ADAM8: variants seen among roughly 807,000 people sequenced by gnomAD.
The protein encoded by ADAM8 is ADAM metallopeptidase domain 8, also known as disintegrin and metalloproteinase domain-containing protein 8.
A neutral mutation model predicts 102.4 loss-of-function variants in ADAM8; 104 were observed. The ratio of observed to expected loss-of-function variants is 1.02; its 90% confidence interval spans 0.87 to 1.20. The LOEUF (loss-of-function observed/expected upper bound fraction) is 1.20. Ranked by LOEUF, ADAM8 falls within the 50% of genes most tolerant of loss-of-function variation. The probability of loss-of-function intolerance (pLI) is 0.00; values close to 1 mark genes in which losing one functional copy is unlikely to be tolerated. For missense variants in ADAM8, 1,132 were observed against 1,159.0 expected, an observed-to-expected ratio of 0.98 and a Z score of 0.34; for synonymous variants, 517 against 485.2, an observed-to-expected ratio of 1.07 and a Z score of -0.86.
At chr10:133,265,820 C>T (rs1458789318) in intron 21 of ADAM8, among the ~76,000 whole-genome samples, 2 of 151,936 alleles carry the variant, frequency 1.3e-5, no homozygotes, top group Admixed American at 1.3e-4. Context: ...GAGAGAAAAT[C>T]ACTATTAGGC....
intron 9 of ADAM8, 58 bp from the exon 10 acceptor site, chr10:133,272,332 A>AC (rs1846561143): frequency 2.0e-6 from 1 of 492,420 alleles, no homozygotes; most frequent in African/African-American, 4.0e-5. Flanking sequence ...CTTCCCTCCC[A>AC]CCCCAGCCCT....
At position 133,263,202 on chromosome 10, in the gene ADAM8, G is replaced by A; in HGVS notation, c.2429C>T (p.Pro810Leu). The A allele has an allele frequency of 6.2e-7, 1 of 1,612,946 alleles. No individual in the cohort carries two copies. The highest frequency in any genetic ancestry group is 8.5e-7 in the Non-Finnish European group (1 of 1,179,230). ...GGCTCCTTGCTTCCTCTGGATGGGG[G>A]GCTTCAGGGCAACCTTTGGGCCAAC... ...GAVGPKVALK[P>L]PIQRKQGAGA... The change falls in exon 23 of 23, where the codon CCC becomes CTC. Residue 810 changes from proline to leucine, a missense_variant. By Grantham distance (98) the Pro-to-Leu change is moderately conservative. Coordinates refer to ENST00000445355, the MANE Select transcript of ADAM8 (RefSeq NM_001109.5).
intron 1 of ADAM8, among the ~76,000 whole-genome samples, chr10:133,276,212 C>G (rs546215272): frequency 1.3e-5 from 2 of 152,324 alleles, no homozygotes; most frequent in African/African-American, 4.8e-5. Flanking sequence ...GCAGCCAGCC[C>G]CTATCTGCCC....
At chr10:133,271,390 ACTCC>A in intron 12 of ADAM8, 101 bp from the exon 13 acceptor site, 1 of 1,487,560 alleles carries the variant, frequency 6.7e-7, no homozygotes, top group Admixed American at 2.1e-5. Flanking sequence ...CCCTGCAGCC[ACTCC>A]CTCCCTGTGA....
At position 133,263,152 on chromosome 10, in the gene ADAM8, C is replaced by A; in HGVS notation, c.*4G>T. The A allele has an allele frequency of 6.2e-7, 1 of 1,614,000 alleles. No homozygotes were observed. The highest frequency in any genetic ancestry group is 1.3e-5 in the African/African-American group (1 of 75,066). On this transcript the variant is annotated 3_prime_UTR_variant, in exon 23 of 23. Transcript: ENST00000445355. ...CAAATTTCCACACAGGCGCAGGTGC[C>A]CCCCTAGGGTGCTGTGGGAGCTCCG...
chr10:133,272,006 G>C (rs1306056514), intron 10 of ADAM8, 52 bp from the exon 11 acceptor site: 2 of 1,591,530 alleles, frequency 1.3e-6, no homozygotes, highest in African/African-American at 2.7e-5. Flanking sequence ...CCCCACGCCT[G>C]CCACCCTCAC....
intron 2 of ADAM8, among the ~76,000 whole-genome samples, chr10:133,274,548 C>T (rs1009109266): frequency 2.0e-5 from 3 of 150,926 alleles, no homozygotes; most frequent in Admixed American, 6.6e-5. Flanking sequence ...GTGCTGAAGG[C>T]GACCGGCGGA....
At position 133,273,171 on chromosome 10, in the gene ADAM8, CACAT is replaced by C; in HGVS notation, c.573+79_573+82del. ...GCTGCAGACAATGGGCAGCACCCAGCACATGGGGAGCCAGGAGGACTCACAGGCC... is the reference window on the plus strand; with the variant it reads ...GCTGCAGACAATGGGCAGCACCCAGCGGGGAGCCAGGAGGACTCACAGGCC... On this transcript the variant is annotated intron_variant, in intron 6 of 22. Transcript: ENST00000445355. 1.9e-6 allele frequency: 3 copies of C among 1,581,156 alleles called. No individual in the cohort carries two copies. In the African/African-American group the frequency reaches 4.0e-5, roughly 21 times the overall value.
rs143338248 is a variant in ADAM8, at chr10:133,271,224, G to T, written c.1350C>A (p.His450Gln). ...CQLAEGAQCA[H>Q]GTCCQECKVK... ...CCTTGCACTCCTGGCAGCAGGTACC[G>T]TGCGCACACTGGGCCCCCTCAGCCA... The change falls in exon 13 of 23, where the codon CAC (histidine) becomes CAA (glutamine). Residue 450 changes from histidine (H) to glutamine (Q), a missense_variant. Transcript: ENST00000445355. The T allele has an allele frequency of 1.2e-6, 2 of 1,611,882 alleles. No individual in the cohort carries two copies. Among genetic ancestry groups the T allele is most frequent in the East Asian group, 4.5e-5 (2 of 44,854 alleles).
chr10:133,271,641 GC>G lies in ADAM8; in HGVS notation c.1170del (p.Pro391ArgfsTer69). ...GCGTTGGCGAGGCACACCGACTGCG[GC>G]CGCTCCAAAAAGCTCTCCAGGTAGG... ...SQAYLESFLE[R>X]PQSVCLANAP... On this transcript the variant is annotated frameshift_variant, in exon 12 of 23. Transcript: ENST00000445355. LOFTEE classifies it high-confidence loss of function. The G allele has an allele frequency of 6.4e-7, 1 of 1,556,132 alleles. No homozygotes were observed. The highest frequency in any genetic ancestry group is 8.7e-7 in the Non-Finnish European group (1 of 1,149,970).
chr10:133,267,852 C>T (rs1187223308), intron 20 of ADAM8, 77 bp downstream of exon 20: 120 of 1,215,368 alleles, frequency 9.9e-5, no homozygotes, highest in Non-Finnish European at 1.2e-4. Context: ...CTGCTGGCCT[C>T]GGGCTGCACT....
At chr10:133,275,982 T>C (rs1589815048) in intron 1 of ADAM8, 1 of 179,862 alleles carries the variant, frequency 5.6e-6, no homozygotes, top group East Asian at 1.5e-4. Context: ...CTTCTGATCA[T>C]CTGATCGCAT....
chr10:133,273,233 A>G, intron 6 of ADAM8, 21 bp downstream of exon 6: 1 of 1,597,788 alleles, frequency 6.3e-7, no homozygotes, highest in Non-Finnish European at 8.5e-7. Context: ...CCAGCCAAAC[A>G]CAGGAGACAA....
rs1846590808 is a variant in ADAM8 at position 133,272,804 on chromosome 10, C to T, written c.699G>A (p.Val233=). The T allele has an allele frequency of 6.2e-7, 1 of 1,609,932 alleles. No homozygotes were observed. The highest frequency in any genetic ancestry group is 1.1e-5 in the South Asian group (1 of 90,966). Residue 233 remains valine, a synonymous_variant, in exon 8 of 23, where the codon GTG becomes GTA. Coordinates refer to ENST00000445355, the MANE Select transcript of ADAM8 (RefSeq NM_001109.5). ...RHRVLEVVNH[V]DKLYQKLNFR... ...AGCCAGGACCGCTGCCCACCTTGTCCACGTGATTCACCACCTCCAGCACCC... is the reference window on the plus strand; with the variant it reads ...AGCCAGGACCGCTGCCCACCTTGTCTACGTGATTCACCACCTCCAGCACCC...
chr10:133,268,750 G>C lies in ADAM8; in HGVS notation c.2061C>G (p.Ser687Arg). ...VYRKARSRILSRNVAPKTTMG... is the reference protein window; with the variant it reads ...VYRKARSRILRRNVAPKTTMG... ...GTCACAGCCCCCACCACCCTCACCT[G>C]CTCAGGATGCGGCTCCGGGCTTTGC... is the stretch of plus-strand genomic sequence containing the variant. The change falls in exon 19 of 23, where the codon AGC becomes AGG. Residue 687 changes from serine (S) to arginine (R), a missense_variant and splice_region_variant. Physicochemically the swap from Ser to Arg is moderately radical, Grantham distance 110 (BLOSUM62 -1). Coordinates refer to ENST00000445355, the MANE Select transcript of ADAM8 (RefSeq NM_001109.5). 1 of 1,609,446 alleles carries C rather than the reference G, an allele frequency of 6.2e-7. No individual in the cohort carries two copies. The highest frequency in any genetic ancestry group is 2.2e-5 in the East Asian group (1 of 44,854).
In ADAM8 at chr10:133,269,482, C is replaced by A; in HGVS notation, c.1911G>T (p.Pro637=). The A allele has an allele frequency of 6.2e-7, 1 of 1,600,186 alleles. No homozygotes were observed. Among genetic ancestry groups the A allele is most frequent in the Non-Finnish European group, 8.5e-7 (1 of 1,178,446 alleles). The change falls in exon 18 of 23, where the codon CCG becomes CCT. Residue 637 remains proline (P), a synonymous_variant. Transcript: ENST00000445355. ...QECHCHAGWA[P]PHCAKLLTEV... ...CAGTCAGCAGCTTCGCGCAGTGGGG[C>A]GGGGCCCAGCCCGCGTGGCAGTGGC...
rs1158457250 is a variant in ADAM8 at position 133,262,499 on chromosome 10, C to T, written c.*657G>A. ...AAAGCTTTCAGCCCTGCTGAACACA[C>T]ATCTGAGGTCTCAAGAAAACCAGAC... On this transcript the variant is annotated 3_prime_UTR_variant, in exon 23 of 23. Coordinates refer to ENST00000445355, the MANE Select transcript of ADAM8 (RefSeq NM_001109.5). 1.3e-5 allele frequency: 2 copies of T among 152,418 alleles called. No individual in the cohort carries two copies. The highest frequency in any genetic ancestry group is 1.5e-5 in the Non-Finnish European group (1 of 68,122). The allele number at this position is 152,418 out of a possible 1,614,324, so 9.4% of individuals were successfully genotyped here. A position where few individuals can be genotyped will look rare whatever the true frequency, so the allele number is the denominator to read the frequency against.
In ADAM8 at chr10:133,271,639, C is replaced by A. The variant is rs934295315; in HGVS notation, c.1173G>T (p.Pro391=). The stretch of plus-strand genomic sequence containing the variant: ...GGGCGTTGGCGAGGCACACCGACTG[C>A]GGCCGCTCCAAAAAGCTCTCCAGGT... The part of the protein sequence containing the change: ...QAYLESFLER[P]QSVCLANAPD... The change falls in exon 12 of 23, where the codon CCG becomes CCT. Residue 391 remains proline (P), a synonymous_variant. Transcript: ENST00000445355. The A allele has an allele frequency of 6.4e-6, 10 of 1,555,516 alleles. No homozygotes were observed. The African/African-American group carries it at 1.2e-4, about 19-fold the overall frequency.
Position 133,271,522 on chromosome 10 carries a change from A to G in ADAM8, c.1284+6T>C. 2.6e-6 allele frequency: 4 copies of G among 1,551,364 alleles called. No homozygotes were observed. The highest frequency in any genetic ancestry group is 3.5e-6 in the Non-Finnish European group (4 of 1,147,294). On this transcript the variant is annotated splice_donor_region_variant and intron_variant, in intron 12 of 22. Transcript: ENST00000445355. ...TGACGGGAGCAGGTATGGGGCATGG[A>G]CGCACCTCGGGGGGGCCGCAGTCGC...
Sources: allele counts gnomAD v4.1 joint callset (sites outside exome capture counted in the v4.1 genomes callset), GRCh38; gene constraint gnomAD v4.1.1; transcripts MANE v1.5; gene names NCBI Gene and HGNC (gene_info 2026-07-23, HGNC 2026-07-21).